Variants in JPH3 observed in about 807,000 individuals in gnomAD.
JPH3 encodes junctophilin 3, also known as junctophilin-3.
Under a neutral mutation model 59.6 loss-of-function variants are expected in JPH3, and 11 were observed. That is an observed-to-expected ratio of 0.18 (90% CI 0.12 to 0.31). The LOEUF is 0.31. Ranked by LOEUF, JPH3 falls within the 10% of genes least tolerant of loss-of-function variation. The pLI, the probability that JPH3 is intolerant of heterozygous loss-of-function variation, is 1.00. For synonymous variants in JPH3, 673 were observed against 483.6 expected, an observed-to-expected ratio of 1.39 and a Z score of -5.14; for missense variants, 1,202 against 1,105.7, an observed-to-expected ratio of 1.09 and a Z score of -1.24.
At chr16:87,618,788 T>G (rs2031066823) in intron 1 of JPH3, among the ~76,000 whole-genome samples, 1 of 152,090 alleles carries the variant, frequency 6.6e-6, no homozygotes, top group Non-Finnish European at 1.5e-5. Context: ...CCTTGCCCAT[T>G]TAAAAATTGG....
chr16:87,645,869 G>A (rs1384127047), intron 2 of JPH3, among the ~76,000 whole-genome samples: 1 of 152,216 alleles, frequency 6.6e-6, no homozygotes, highest in Non-Finnish European at 1.5e-5. Context: ...AAAGCCACGG[G>A]CCCCACAGGT....
At chr16:87,609,056 G>T (rs1435597693) in intron 1 of JPH3, among the ~76,000 whole-genome samples, 1 of 152,150 alleles carries the variant, frequency 6.6e-6, no homozygotes, top group Non-Finnish European at 1.5e-5. Context: ...GAAGAAGTGT[G>T]CCTGGTCCTA....
intron 1 of JPH3, among the ~76,000 whole-genome samples, chr16:87,627,891 G>A (rs535504990): frequency 3.3e-5 from 5 of 152,304 alleles, no homozygotes; most frequent in East Asian, 1.9e-4. Context: ...AGGCCACCCC[G>A]CCCCTCGCAG....
Position 87,635,837 on chromosome 16 carries a change from A to G in JPH3, c.383-8421A>G, listed in dbSNP as rs825587. Among the ~76,000 whole-genome samples, 293 of 152,304 alleles carry G rather than the reference A, an allele frequency of 1.9e-3. 1 individual carries two copies. Among genetic ancestry groups the G allele is most frequent in the Non-Finnish European group, 3.3e-3 (225 of 68,018 alleles). On this transcript the variant is annotated intron_variant, in intron 1 of 4. Transcript: ENST00000284262. ...CATCGGTGGGTGAGGTGGCTGCAGC[A>G]GAGCCGGGGGCTCCTGTGTGCGGAG... is the stretch of plus-strand genomic sequence containing the variant.
chr16:87,611,081 T>A lies in JPH3; in HGVS notation c.382+7553T>A, dbSNP rs1287822501. Among the ~76,000 whole-genome samples, 4 of 152,202 alleles carry A rather than the reference T, an allele frequency of 2.6e-5. No individual in the cohort carries two copies. In the East Asian group the frequency reaches 7.7e-4, roughly 29 times the overall value. On this transcript the variant is annotated intron_variant, in intron 1 of 4. Transcript: ENST00000284262. The surrounding 1 kb of genome is among the most constrained non-coding windows in gnomAD (Gnocchi z 4.5). The stretch of plus-strand genomic sequence containing the variant: ...TGCTGAGCATTGAGTATGTACGCAG[T>A]ACAGAGTTTGTGGTAACGTGGAAGA...
rs758938441 is a variant in JPH3 at position 87,690,200 on chromosome 16, G to A, written c.1840G>A (p.Glu614Lys). The A allele has an allele frequency of 6.2e-7, 1 of 1,602,894 alleles. No homozygotes were observed. Among genetic ancestry groups the A allele is most frequent in the Non-Finnish European group, 8.5e-7 (1 of 1,175,290 alleles). Residue 614 changes from glutamate (E) to lysine (K), a missense_variant, in exon 4 of 5, where the codon GAG becomes AAG. Coordinates refer to ENST00000284262, the MANE Select transcript of JPH3 (RefSeq NM_020655.4). ...GGAGAAGCTGAGCAACTACCGGATG[G>A]AGATGAAACCCTTGCTGAGGATGGA... ...QEEKLSNYRM[E>K]MKPLLRMETH...
chr16:87,633,804 TAAAA>T (rs60189496), intron 1 of JPH3, among the ~76,000 whole-genome samples: 1 of 151,478 alleles, frequency 6.6e-6, no homozygotes, highest in Non-Finnish European at 1.5e-5. Flanking sequence ...TTGCGAAAAA[TAAAA>T]AAAATCTGGT....
chr16:87,628,427 C>T (rs550998473), intron 1 of JPH3, among the ~76,000 whole-genome samples: 2 of 152,282 alleles, frequency 1.3e-5, no homozygotes, highest in East Asian at 1.9e-4. Context: ...AGGGAGGGGC[C>T]GGGTGGGGCC....
chr16:87,625,341 C>T (rs1414929884), intron 1 of JPH3, among the ~76,000 whole-genome samples: 2 of 152,138 alleles, frequency 1.3e-5, no homozygotes, highest in African/African-American at 2.4e-5. Context: ...TCAGTGTTTC[C>T]CTCCTCGGGG....
chr16:87,606,789 A>G (rs368269998), intron 1 of JPH3, among the ~76,000 whole-genome samples: 1 of 152,232 alleles, frequency 6.6e-6, no homozygotes, highest in Non-Finnish European at 1.5e-5. Flanking sequence ...ATTAGAACCA[A>G]CATCTGGACA....
intron 1 of JPH3, among the ~76,000 whole-genome samples, chr16:87,634,414 A>G (rs866423757): frequency 8.5e-5 from 13 of 152,322 alleles, no homozygotes; most frequent in Middle Eastern, 3.4e-3. Context: ...TGGGGAGGCC[A>G]TCGGAAGCCC....
intron 2 of JPH3, among the ~76,000 whole-genome samples, chr16:87,653,112 T>G (rs1269611002): frequency 3.3e-5 from 5 of 152,212 alleles, no homozygotes; most frequent in African/African-American, 1.2e-4. Flanking sequence ...CTCTCAGTCC[T>G]GTTCCTCCTC....
At position 87,697,048 on chromosome 16, in the gene JPH3, G is replaced by A. The variant is rs533635609; in HGVS notation, c.*388G>A. ...GCCCGGGGCAGAGCCTCAGCCCCGC[G>A]GCCCCTGAGTGGCAGGGCTGACTCC... On this transcript the variant is annotated 3_prime_UTR_variant, in exon 5 of 5. Coordinates refer to ENST00000284262, the MANE Select transcript of JPH3 (RefSeq NM_020655.4). The A allele has an allele frequency of 3.3e-4, 92 of 274,950 alleles. No homozygotes were observed. Among genetic ancestry groups the A allele is most frequent in the African/African-American group, 1.9e-3 (87 of 45,778 alleles). 17.0% of individuals were successfully genotyped at this position (274,950 alleles called of 1,614,324 possible).
intron 2 of JPH3, among the ~76,000 whole-genome samples, chr16:87,681,686 C>G (rs2033299482): frequency 1.3e-5 from 2 of 151,890 alleles, no homozygotes; most frequent in Non-Finnish European, 2.9e-5. Context: ...TCCGGGAGGT[C>G]AGGTGCATGC....
chr16:87,661,163 C>G (rs1322205355), intron 2 of JPH3, among the ~76,000 whole-genome samples: 1 of 152,206 alleles, frequency 6.6e-6, no homozygotes, highest in Non-Finnish European at 1.5e-5. Context: ...CCCTCCTCCA[C>G]CTTCAGAGCC....
chr16:87,628,750 G>A (rs567497464), intron 1 of JPH3, among the ~76,000 whole-genome samples: 7 of 152,284 alleles, frequency 4.6e-5, no homozygotes, highest in East Asian at 3.9e-4. Context: ...CCTTGGAGGC[G>A]TCAGCCTTCA....
Position 87,689,500 on chromosome 16 carries a change from C to T in JPH3, c.1286-146C>T, listed in dbSNP as rs927450435. ...GGCTTTGGGAGCCACGGTCCCCACT[C>T]CCCTCCCTTGCCTGCAGCCTTTCGG... On this transcript the variant is annotated intron_variant, in intron 3 of 4. Coordinates refer to ENST00000284262, the MANE Select transcript of JPH3 (RefSeq NM_020655.4). The T allele has an allele frequency of 1.5e-5, 13 of 848,236 alleles. No homozygotes were observed. In the South Asian group the frequency reaches 2.0e-4, roughly 13 times the overall value. The allele number at this position is 848,236 out of a possible 1,614,324, so 52.5% of individuals were successfully genotyped here.
intron 2 of JPH3, among the ~76,000 whole-genome samples, chr16:87,660,814 C>T (rs1314837076): frequency 6.6e-6 from 1 of 152,212 alleles, no homozygotes; most frequent in East Asian, 1.9e-4. Flanking sequence ...CAAACAGCTC[C>T]ACCCAGTTAT....
In JPH3 at chr16:87,696,836, A is replaced by G. The variant is rs982941344; in HGVS notation, c.*176A>G. 26 of 618,190 alleles carry G rather than the reference A, an allele frequency of 4.2e-5. No homozygotes were observed. Among genetic ancestry groups the G allele is most frequent in the Middle Eastern group, 2.6e-4 (1 of 3,880 alleles). 38.3% of individuals were successfully genotyped at this position (618,190 alleles called of 1,614,324 possible). Reference sequence around the variant, plus strand: ...CACAGTTTGCCTTTTTTTCTGGGTAATGTTTTTTGGATTTTAGCCAAAATT... The same window carrying G: ...CACAGTTTGCCTTTTTTTCTGGGTAGTGTTTTTTGGATTTTAGCCAAAATT... On this transcript the variant is annotated 3_prime_UTR_variant, in exon 5 of 5. Transcript: ENST00000284262.
Sources: allele counts gnomAD v4.1 joint callset (sites outside exome capture counted in the v4.1 genomes callset), GRCh38; gene constraint gnomAD v4.1.1; non-coding constraint Gnocchi (gnomAD v3.1); transcripts MANE v1.5; gene names NCBI Gene and HGNC (gene_info 2026-07-23, HGNC 2026-07-21).